Variants in CTNNA3 observed in about 807,000 individuals in gnomAD.
CTNNA3 encodes catenin alpha 3, also known as catenin alpha-3.
CTNNA3 carries 76 observed loss-of-function variants against 95.7 expected under a neutral mutation model. That is an observed-to-expected ratio of 0.79 (90% CI 0.66 to 0.96). The LOEUF is 0.96. Among genes scored for constraint, CTNNA3 ranks in the 40% least tolerant of loss-of-function variants. The pLI, the probability that CTNNA3 is intolerant of heterozygous loss-of-function variation, is 0.00. For synonymous variants in CTNNA3, 431 were observed against 374.4 expected (o/e 1.15, Z -1.74); for missense variants, 1,191 against 1,089.8 (o/e 1.09, Z -1.31).
chr10:67,091,018 T>A (rs1735506084), intron 7 of CTNNA3, among the ~76,000 whole-genome samples: 1 of 152,076 alleles, frequency 6.6e-6, no homozygotes, highest in African/African-American at 2.4e-5. Context: ...AAAGGTATTT[T>A]CAATCAAGAG....
At chr10:66,808,933 T>C (rs988586804) in intron 7 of CTNNA3, among the ~76,000 whole-genome samples, 1 of 152,210 alleles carries the variant, frequency 6.6e-6, no homozygotes, top group African/African-American at 2.4e-5. Flanking sequence ...TTTAAATTAG[T>C]AGAAGATGTT....
chr10:67,026,061 G>C (rs1159814941), intron 7 of CTNNA3, among the ~76,000 whole-genome samples: 1 of 147,154 alleles, frequency 6.8e-6, no homozygotes, highest in Non-Finnish European at 1.5e-5. Flanking sequence ...TGAACAATGA[G>C]AACACATGGA....
At position 66,069,342 on chromosome 10, in the gene CTNNA3, A is replaced by T. The variant is rs764029257; in HGVS notation, c.2125T>A (p.Cys709Ser). Residue 709 changes from cysteine to serine, a missense_variant, in exon 15 of 18, where the codon TGT (cysteine) becomes AGT (serine). Physicochemically the swap from Cys to Ser is moderately radical, Grantham distance 112. Coordinates refer to ENST00000433211, the MANE Select transcript of CTNNA3 (RefSeq NM_013266.4). ...NDIIVLAKNM[C>S]MIMMEMTDFT... The stretch of plus-strand genomic sequence containing the variant: ...TCTGTCATCTCCATCATGATCATAC[A>T]CATGTTCTTGGCCAGAACAATGATG... The T allele has an allele frequency of 2.9e-5, 46 of 1,613,568 alleles. No individual in the cohort carries two copies. The highest frequency in any genetic ancestry group is 3.7e-5 in the Non-Finnish European group (44 of 1,179,656).
chr10:66,024,227 C>G (rs186332029), intron 15 of CTNNA3, among the ~76,000 whole-genome samples: 1 of 151,722 alleles, frequency 6.6e-6, no homozygotes, highest in East Asian at 2.0e-4. Context: ...GTAGCTGGGA[C>G]TACAGGCGAC....
chr10:67,689,259 T>G (rs1840795454), intron 1 of CTNNA3, among the ~76,000 whole-genome samples: 1 of 152,132 alleles, frequency 6.6e-6, no homozygotes, highest in Non-Finnish European at 1.5e-5. Context: ...TTTCCGAAGC[T>G]CCCCATATCC....
chr10:66,637,659 T>C (rs533334692), intron 9 of CTNNA3, among the ~76,000 whole-genome samples: 2 of 152,320 alleles, frequency 1.3e-5, no homozygotes, highest in African/African-American at 4.8e-5. Flanking sequence ...CCCCAGCTCT[T>C]GAGGGCAGAG....
At chr10:67,161,015 C>T (rs1444017434) in intron 7 of CTNNA3, among the ~76,000 whole-genome samples, 1 of 151,900 alleles carries the variant, frequency 6.6e-6, no homozygotes, top group Non-Finnish European at 1.5e-5. Context: ...ATGGTGGGTG[C>T]TAGGGGATTG....
chr10:66,184,056 AACACTTTGT>A (rs2086192839), intron 13 of CTNNA3, among the ~76,000 whole-genome samples: 1 of 152,094 alleles, frequency 6.6e-6, no homozygotes, highest in South Asian at 2.1e-4. Context: ...CTGTAATCCC[AACACTTTGT>A]GTTGGGCAGA....
intron 7 of CTNNA3, among the ~76,000 whole-genome samples, chr10:66,804,058 A>AT (rs969128455): frequency 2.7e-4 from 40 of 150,874 alleles, no homozygotes; most frequent in Admixed American, 4.0e-4. Context: ...ACAAAAGTGT[A>AT]TTTTTTTTAC....
At chr10:66,137,113 T>A (rs1336870072) in intron 13 of CTNNA3, among the ~76,000 whole-genome samples, 1 of 152,098 alleles carries the variant, frequency 6.6e-6, no homozygotes, top group Non-Finnish European at 1.5e-5. Context: ...CCCAGCCTAG[T>A]TCACATAATT....
chr10:66,989,657 C>T (rs755681479), intron 7 of CTNNA3, among the ~76,000 whole-genome samples: 1 of 152,082 alleles, frequency 6.6e-6, no homozygotes, highest in Non-Finnish European at 1.5e-5. Flanking sequence ...AATAGCTTAC[C>T]TAACGTAACA....
chr10:66,734,265 A>C (rs897617606), intron 9 of CTNNA3, among the ~76,000 whole-genome samples: 6 of 151,948 alleles, frequency 3.9e-5, no homozygotes, highest in African/African-American at 1.4e-4. Flanking sequence ...CTAAACATAT[A>C]ATCTAAACAA....
At chr10:65,943,076 T>C (rs963593665) in intron 17 of CTNNA3, among the ~76,000 whole-genome samples, 2 of 151,536 alleles carry the variant, frequency 1.3e-5, no homozygotes, top group African/African-American at 4.8e-5. Flanking sequence ...TTCTTTTTTT[T>C]TTTTTGAGAC....
intron 11 of CTNNA3, among the ~76,000 whole-genome samples, chr10:66,409,247 G>T (rs1235204932): frequency 6.6e-6 from 1 of 152,128 alleles, no homozygotes. Context: ...TCTGAGCAAT[G>T]AGAAGTGGTC....
intron 13 of CTNNA3, among the ~76,000 whole-genome samples, chr10:66,221,726 T>C (rs1231984234): frequency 6.6e-6 from 1 of 152,208 alleles, no homozygotes; most frequent in Non-Finnish European, 1.5e-5. Context: ...GATAGGTCAG[T>C]TAACTTTTAG....
At position 67,356,536 on chromosome 10, in the gene CTNNA3, T is replaced by C. The variant is rs1374842590; in HGVS notation, c.580-136666A>G. On this transcript the variant is annotated intron_variant, in intron 5 of 17. Coordinates refer to ENST00000433211, the MANE Select transcript of CTNNA3 (RefSeq NM_013266.4). ...CAGATCCTTAAATTGTAAACTTCAATGAGCTTGTCCTCAGCCATTTCATGG... is the reference window on the plus strand; with the variant it reads ...CAGATCCTTAAATTGTAAACTTCAACGAGCTTGTCCTCAGCCATTTCATGG... 3.9e-5 allele frequency among the ~76,000 whole-genome samples: 6 copies of C among 152,130 alleles called. No homozygotes were observed. In the East Asian group the frequency reaches 1.2e-3, roughly 29 times the overall value.
chr10:67,335,842 A>G (rs2132597772), intron 5 of CTNNA3, among the ~76,000 whole-genome samples: 1 of 151,680 alleles, frequency 6.6e-6, no homozygotes, highest in Non-Finnish European at 1.5e-5. Flanking sequence ...TGTGTATATA[A>G]CCTTGTTTTA....
intron 1 of CTNNA3, among the ~76,000 whole-genome samples, chr10:67,687,585 G>A (rs1020247236): frequency 2.1e-4 from 32 of 152,074 alleles, no homozygotes; most frequent in Admixed American, 6.6e-4. Flanking sequence ...ATAGAACACC[G>A]AGGTTGCCAG....
At chr10:66,705,772 A>G (rs1200063884) in intron 9 of CTNNA3, among the ~76,000 whole-genome samples, 1 of 152,036 alleles carries the variant, frequency 6.6e-6, no homozygotes, top group Non-Finnish European at 1.5e-5. Flanking sequence ...TACTGGTTGT[A>G]CTAAATGCTA....
Sources: allele counts gnomAD v4.1 joint callset (sites outside exome capture counted in the v4.1 genomes callset), GRCh38; gene constraint gnomAD v4.1.1; transcripts MANE v1.5; gene names NCBI Gene and HGNC (gene_info 2026-07-23, HGNC 2026-07-21).